CDK5RAP2: variants seen among roughly 807,000 people sequenced by gnomAD.
CDK5RAP2 encodes the protein CDK5 regulatory subunit-associated protein 2.
A neutral mutation model predicts 232.9 loss-of-function variants in CDK5RAP2; 147 were observed. The ratio of observed to expected loss-of-function variants is 0.63; its 90% confidence interval spans 0.55 to 0.72. The LOEUF (loss-of-function observed/expected upper bound fraction) is 0.72, where lower values mean the gene tolerates loss of function less well. CDK5RAP2 is among the 30% of genes least tolerant of loss of function. The pLI is 0.00. For synonymous variants in CDK5RAP2, 833 were observed against 833.7 expected, an observed-to-expected ratio of 1.00 and a Z score of 0.01; for missense variants, 2,195 against 2,231.5, an observed-to-expected ratio of 0.98 and a Z score of 0.33.
chr9:120,548,243 A>C (rs2041921355), intron 4 of CDK5RAP2, among the ~76,000 whole-genome samples: 1 of 152,254 alleles, frequency 6.6e-6, no homozygotes, highest in Admixed American at 6.5e-5. Flanking sequence ...ATGCAGAAAC[A>C]TCCTTCAAAC....
chr9:120,471,162 C>T (rs976734499), intron 16 of CDK5RAP2, among the ~76,000 whole-genome samples: 1 of 152,108 alleles, frequency 6.6e-6, no homozygotes, highest in Non-Finnish European at 1.5e-5. Context: ...TGTCAGGCAC[C>T]GGGCTAGAGA....
At chr9:120,513,983 C>A (rs1267412630) in intron 12 of CDK5RAP2, among the ~76,000 whole-genome samples, 1 of 152,204 alleles carries the variant, frequency 6.6e-6, no homozygotes. Flanking sequence ...AAAGACACCA[C>A]CCCACCATGT....
rs2042714986 is a variant in CDK5RAP2 at position 120,568,172 on chromosome 9, T to C, written c.195+149A>G. 12 of 734,246 alleles carry C rather than the reference T, an allele frequency of 1.6e-5. No individual in the cohort carries two copies. In the South Asian group the frequency reaches 1.7e-4, roughly 10 times the overall value. The allele number at this position is 734,246 out of a possible 1,614,324, so 45.5% of individuals were successfully genotyped here. A position where few individuals can be genotyped will look rare whatever the true frequency, so the allele number is the denominator to read the frequency against. Reference sequence around the variant, plus strand: ...GGCTGACTGCATTTGTACGTAAAAGTCTCACAGAAGATGTCCATGAGACAT... The same window carrying C: ...GGCTGACTGCATTTGTACGTAAAAGCCTCACAGAAGATGTCCATGAGACAT... On this transcript the variant is annotated intron_variant, in intron 3 of 37. Transcript: ENST00000349780.
At chr9:120,533,902 T>G (rs1333741085) in intron 7 of CDK5RAP2, among the ~76,000 whole-genome samples, 1 of 148,130 alleles carries the variant, frequency 6.8e-6, no homozygotes, top group Non-Finnish European at 1.5e-5. Context: ...TTCAAGCCCA[T>G]CACATCCACT....
intron 12 of CDK5RAP2, among the ~76,000 whole-genome samples, chr9:120,505,101 A>G (rs1221454355): frequency 1.3e-5 from 2 of 152,170 alleles, no homozygotes; most frequent in Admixed American, 1.3e-4. Flanking sequence ...TGCACTTCAC[A>G]GAGATTTTGT....
chr9:120,481,165 T>C (rs989281079), intron 14 of CDK5RAP2, among the ~76,000 whole-genome samples: 1 of 152,184 alleles, frequency 6.6e-6, no homozygotes, highest in Admixed American at 6.5e-5. Context: ...ATTTTAGAGA[T>C]GAGGAAACTG....
At chr9:120,524,146 T>A (rs1447683412) in intron 11 of CDK5RAP2, among the ~76,000 whole-genome samples, 1 of 152,168 alleles carries the variant, frequency 6.6e-6, no homozygotes, top group African/African-American at 2.4e-5. Context: ...AAAAAAAGGA[T>A]ATTAATAGTA....
chr9:120,547,814 TACTC>T (rs1374850760), intron 4 of CDK5RAP2, among the ~76,000 whole-genome samples: 3 of 152,200 alleles, frequency 2.0e-5, no homozygotes, highest in Admixed American at 6.5e-5. Context: ...GCTCCTCACT[TACTC>T]ACTCCTTCAC....
chr9:120,433,136 C>T (rs1448447326), intron 25 of CDK5RAP2, among the ~76,000 whole-genome samples: 2 of 152,192 alleles, frequency 1.3e-5, no homozygotes, highest in Non-Finnish European at 2.9e-5. Flanking sequence ...GATGGGTAAA[C>T]TATCCCATGT....
At chr9:120,579,793 G>C in intron 1 of CDK5RAP2, 127 bp downstream of exon 1, 1 of 744,096 alleles carries the variant, frequency 1.3e-6, no homozygotes, top group Admixed American at 2.2e-5. Flanking sequence ...CTCTCCGAAG[G>C]AACCCACCCC....
intron 22 of CDK5RAP2, among the ~76,000 whole-genome samples, chr9:120,447,314 C>G (rs2036246520): frequency 6.6e-6 from 1 of 152,176 alleles, no homozygotes; most frequent in Admixed American, 6.5e-5. Context: ...CTAAGCACCA[C>G]TGTCCTAGAC....
chr9:120,503,013 T>C (rs965810440), intron 12 of CDK5RAP2, among the ~76,000 whole-genome samples: 1 of 152,096 alleles, frequency 6.6e-6, no homozygotes, highest in African/African-American at 2.4e-5. Flanking sequence ...CCCACAGAGG[T>C]TGAGATATTT....
intron 8 of CDK5RAP2, among the ~76,000 whole-genome samples, chr9:120,529,381 G>A (rs1378267297): frequency 6.6e-6 from 1 of 152,242 alleles, no homozygotes; most frequent in Non-Finnish European, 1.5e-5. Flanking sequence ...AGGAGTCCAG[G>A]GAGGCTTTGG....
intron 18 of CDK5RAP2, among the ~76,000 whole-genome samples, chr9:120,463,591 A>G (rs2131473796): frequency 6.6e-6 from 1 of 152,344 alleles, no homozygotes; most frequent in Non-Finnish European, 1.5e-5. Context: ...AGCTCCTCCC[A>G]GACTCCTGCG....
chr9:120,485,380 C>T (rs1245404281), intron 14 of CDK5RAP2, among the ~76,000 whole-genome samples: 4 of 150,798 alleles, frequency 2.7e-5, no homozygotes, highest in Admixed American at 6.6e-5. Context: ...CTGCAACCTC[C>T]GCCTCCGGGG....
At chr9:120,448,178 G>C (rs1446427961) in intron 21 of CDK5RAP2, 52 bp from the exon 22 acceptor site, 2 of 1,417,252 alleles carry the variant, frequency 1.4e-6, no homozygotes. Context: ...ACTTCCTTTG[G>C]TTGCACAGTC....
chr9:120,406,217 TGGC>T (rs1391447490), intron 32 of CDK5RAP2: 3 of 152,228 alleles, frequency 2.0e-5, no homozygotes, highest in Non-Finnish European at 4.4e-5. Context: ...TAAAGCAGGC[TGGC>T]ATTCCTCATC....
intron 3 of CDK5RAP2, among the ~76,000 whole-genome samples, chr9:120,562,482 G>A (rs1420653021): frequency 6.6e-6 from 1 of 152,094 alleles, no homozygotes; most frequent in Non-Finnish European, 1.5e-5. Context: ...GCACCGTCAG[G>A]CTATATGTTG....
chr9:120,486,883 A>G (rs2038638918), intron 14 of CDK5RAP2, among the ~76,000 whole-genome samples: 1 of 152,210 alleles, frequency 6.6e-6, no homozygotes. Context: ...TCAGGAATCT[A>G]TAAGAAATTT....
Sources: gnomAD v4.1 joint callset for allele counts (sites outside exome capture counted in the v4.1 genomes callset) on GRCh38, gnomAD v4.1.1 for gene constraint, MANE v1.5 for transcripts, NCBI Gene and HGNC (gene_info 2026-07-23, HGNC 2026-07-21) for gene names.